The following ATP6V0A4 variants were observed in gnomAD, a reference collection of about 807,000 sequenced individuals.
ATP6V0A4 encodes V-type proton ATPase 116 kDa subunit a 4.
In ATP6V0A4, 86 loss-of-function variants were observed where a neutral mutation model predicts 107.3. The observed-to-expected ratio is 0.80, with a 90% CI of 0.67 to 0.96. The LOEUF (loss-of-function observed/expected upper bound fraction) is 0.96, where lower values mean the gene tolerates loss of function less well. Among genes scored for constraint, ATP6V0A4 ranks in the 40% least tolerant of loss-of-function variants. The pLI is 0.00. For missense variants in ATP6V0A4, 908 were observed against 1,045.6 expected (o/e 0.87, Z 1.81); for synonymous variants, 353 against 381.4 (o/e 0.93, Z 0.87).
At chr7:138,742,539 G>GTTTT (rs1805683591) in intron 14 of ATP6V0A4, among the ~76,000 whole-genome samples, 1 of 152,132 alleles carries the variant, frequency 6.6e-6, no homozygotes, top group Non-Finnish European at 1.5e-5. Flanking sequence ...TTGTTTGTTT[G>GTTTT]TTTGAGACGG....
chr7:138,710,192 A>ATTTTTTT (rs56391137), intron 20 of ATP6V0A4, among the ~76,000 whole-genome samples: 5 of 135,270 alleles, frequency 3.7e-5, no homozygotes, highest in African/African-American at 8.3e-5. Context: ...CTGTCTGTTA[A>ATTTTTTT]TTTTTTTTTT....
At position 138,709,704 on chromosome 7, in the gene ATP6V0A4, G is replaced by A. The variant is rs200932621; in HGVS notation, c.2349C>T (p.Ala783=). 22 of 1,613,732 alleles carry A rather than the reference G, an allele frequency of 1.4e-5. No homozygotes were observed. The East Asian group carries it at 2.2e-4, about 16-fold the overall frequency. ...TGGCTACTGTCAGGACAGCAAATACGGCAAAAATAATAAAAACCCCGACGA... is the reference window on the plus strand; with the variant it reads ...TGGCTACTGTCAGGACAGCAAATACAGCAAAAATAATAAAAACCCCGACGA... ...GGIVGVFIIF[A]VFAVLTVAIL... is the part of the protein sequence containing the mutation. The change falls in exon 21 of 22, where the codon GCC becomes GCT. Residue 783 remains alanine (A), a synonymous_variant. Transcript: ENST00000310018.
At chr7:138,707,696 C>T (rs376997149) in intron 21 of ATP6V0A4, among the ~76,000 whole-genome samples, 1 of 151,692 alleles carries the variant, frequency 6.6e-6, no homozygotes, top group African/African-American at 2.4e-5. Context: ...GCCACTGCAT[C>T]CAGGCCATGA....
intron 20 of ATP6V0A4, among the ~76,000 whole-genome samples, chr7:138,711,287 C>T (rs6467790): frequency 0.22 from 33,231 of 152,032 alleles, 3,742 homozygotes; most frequent in Middle Eastern, 0.34. Context: ...CGTAGCTGAG[C>T]CCGTGTCCCC....
At chr7:138,750,269 T>C (rs1016512165) in intron 11 of ATP6V0A4, among the ~76,000 whole-genome samples, 1 of 152,098 alleles carries the variant, frequency 6.6e-6, no homozygotes, top group Non-Finnish European at 1.5e-5. Flanking sequence ...TTTTCTTTTT[T>C]TTTCTTCCTG....
rs1408235561 is a variant in ATP6V0A4 at position 138,798,122 on chromosome 7, T to A, written c.-209A>T. ...CCTCCAGCATGCAGCGCCTCCCCGCTGCCACCCGGGCCACCCTGATCCTCA... is the reference window on the plus strand; with the variant it reads ...CCTCCAGCATGCAGCGCCTCCCCGCAGCCACCCGGGCCACCCTGATCCTCA... On this transcript the variant is annotated 5_prime_UTR_variant, in exon 1 of 22. Coordinates refer to ENST00000310018, the MANE Select transcript of ATP6V0A4 (RefSeq NM_020632.3). 1.2e-6 allele frequency: 2 copies of A among 1,600,844 alleles called. No homozygotes were observed.
rs745526059 is a variant in ATP6V0A4 at position 138,773,533 on chromosome 7, C to T, written c.-17-2269G>A. Among the ~76,000 whole-genome samples the T allele has an allele frequency of 6.6e-6, 1 of 152,152 alleles. No homozygotes were observed. The highest frequency in any genetic ancestry group is 1.5e-5 in the Non-Finnish European group (1 of 68,040). On this transcript the variant is annotated intron_variant, in intron 2 of 21. Transcript: ENST00000310018. The surrounding 1 kb of genome is among the most constrained non-coding windows in gnomAD (Gnocchi z 5.4). ...CCCACACACAAACCAGTGAAGTCCA[C>T]GAGGCTAGAACCATTCCCTGTTTCC...
At position 138,721,995 on chromosome 7, in the gene ATP6V0A4, T is replaced by A; in HGVS notation, c.2041A>T (p.Thr681Ser). The change falls in exon 19 of 22, where the codon ACT becomes TCT. Residue 681 changes from threonine to serine, a missense_variant. Transcript: ENST00000310018. Reference sequence around the variant, plus strand: ...GAGCTATCACCTTCAATGTTCTCAGTGGCATCTTCTTGGATCCTGGATGCC... The same window carrying A: ...GAGCTATCACCTTCAATGTTCTCAGAGGCATCTTCTTGGATCCTGGATGCC... ...LQASRIQEDA[T>S]ENIEGDSSSP... 1.2e-6 allele frequency: 2 copies of A among 1,614,150 alleles called. No homozygotes were observed. The highest frequency in any genetic ancestry group is 2.2e-5 in the South Asian group (2 of 91,074).
chr7:138,762,900 C>T lies in ATP6V0A4; in HGVS notation c.417G>A (p.Glu139=), dbSNP rs941957888. 2 of 1,614,000 alleles carry T rather than the reference C, an allele frequency of 1.2e-6. No individual in the cohort carries two copies. Among genetic ancestry groups the T allele is most frequent in the African/African-American group, 2.7e-5 (2 of 74,910 alleles). Reference sequence around the variant, plus strand: ...TAGTAACTCATCCCCACGTGACCACCTCAAAGAAGTCTTGGGTTTTCTTCA... The same window carrying T: ...TAGTAACTCATCCCCACGTGACCACTTCAAAGAAGTCTTGGGTTTTCTTCA... The part of the protein sequence containing the change: ...YLLKKTQDFF[E]TETNLADDFF... The change falls in exon 6 of 22, where the codon GAG becomes GAA. Residue 139 remains glutamate, a splice_region_variant and synonymous_variant. Coordinates refer to ENST00000310018, the MANE Select transcript of ATP6V0A4 (RefSeq NM_020632.3).
At chr7:138,728,586 C>A (rs531819728) in intron 18 of ATP6V0A4, among the ~76,000 whole-genome samples, 175 bp downstream of exon 18, 2 of 152,174 alleles carry the variant, frequency 1.3e-5, no homozygotes, top group African/African-American at 4.8e-5. Flanking sequence ...AATAAGACGG[C>A]CCAGTGGAAA....
intron 2 of ATP6V0A4, among the ~76,000 whole-genome samples, chr7:138,775,545 C>G (rs779881632): frequency 6.6e-6 from 1 of 151,858 alleles, no homozygotes; most frequent in Non-Finnish European, 1.5e-5. Flanking sequence ...GGCGCAAACA[C>G]AGCTCACTGC....
At chr7:138,771,078 T>C in intron 3 of ATP6V0A4, 53 bp downstream of exon 3, 1 of 1,519,626 alleles carries the variant, frequency 6.6e-7, no homozygotes, top group Non-Finnish European at 9.1e-7. Flanking sequence ...TGTGCAAGAG[T>C]TATCTACTCC....
chr7:138,766,882 A>G (rs1807119319), intron 5 of ATP6V0A4, among the ~76,000 whole-genome samples: 1 of 152,330 alleles, frequency 6.6e-6, no homozygotes, highest in South Asian at 2.1e-4. Flanking sequence ...AATATCAAAG[A>G]AGAATATCCA....
At chr7:138,756,644 A>T (rs1584930457) in intron 8 of ATP6V0A4, 104 bp from the exon 9 acceptor site, 1 of 1,419,060 alleles carries the variant, frequency 7.0e-7, no homozygotes, top group East Asian at 2.4e-5. Context: ...CACAATTCAT[A>T]CATTTAAAAC....
intron 1 of ATP6V0A4, among the ~76,000 whole-genome samples, chr7:138,788,789 A>C (rs1808274448): frequency 6.6e-6 from 1 of 152,090 alleles, no homozygotes; most frequent in Non-Finnish European, 1.5e-5. Context: ...TGGTTTTATA[A>C]ATGGGAGTTC....
chr7:138,718,844 G>A (rs1276664099), intron 19 of ATP6V0A4, among the ~76,000 whole-genome samples: 1 of 152,126 alleles, frequency 6.6e-6, no homozygotes, highest in Non-Finnish European at 1.5e-5. Context: ...GGCAGAGATG[G>A]AGTGAGCAGG....
At chr7:138,775,872 G>C (rs927770178) in intron 2 of ATP6V0A4, among the ~76,000 whole-genome samples, 1 of 151,932 alleles carries the variant, frequency 6.6e-6, no homozygotes, top group Admixed American at 6.6e-5. Context: ...GGATGGTCTC[G>C]ATCTCCTGAC....
At position 138,774,596 on chromosome 7, in the gene ATP6V0A4, A is replaced by T. The variant is rs184671980; in HGVS notation, c.-17-3332T>A. Among the ~76,000 whole-genome samples, 358 of 145,980 alleles carry T rather than the reference A, an allele frequency of 2.5e-3. 6 individuals are homozygous for T. Among genetic ancestry groups the T allele is most frequent in the Admixed American group, 0.019 (266 of 14,338 alleles). ...ACTCCATCTCAAAAATAAATAAATA[A>T]ATATATATATCTATATATATAATAT... On this transcript the variant is annotated intron_variant, in intron 2 of 21. Transcript: ENST00000310018.
chr7:138,789,413 A>G (rs1808308099), intron 1 of ATP6V0A4, among the ~76,000 whole-genome samples: 1 of 151,350 alleles, frequency 6.6e-6, no homozygotes, highest in African/African-American at 2.4e-5. Flanking sequence ...ACGCCTGCCT[A>G]GTTTTTGTAT....
Sources: allele counts gnomAD v4.1 joint callset (sites outside exome capture counted in the v4.1 genomes callset), GRCh38; gene constraint gnomAD v4.1.1; non-coding constraint Gnocchi (gnomAD v3.1); transcripts MANE v1.5; gene names NCBI Gene and HGNC (gene_info 2026-07-23, HGNC 2026-07-21).